Variants in NUP210L observed in about 807,000 individuals in gnomAD.
The protein encoded by NUP210L is nuclear pore membrane glycoprotein 210-like.
Under a neutral mutation model 208.5 loss-of-function variants are expected in NUP210L, and 74 were observed. That is an observed-to-expected ratio of 0.35 (90% CI 0.29 to 0.43). The LOEUF (loss-of-function observed/expected upper bound fraction) is 0.43, where lower values mean the gene tolerates loss of function less well. NUP210L is among the 20% of genes least tolerant of loss of function. NUP210L has a pLI of 1.00. For synonymous variants in NUP210L, 780 were observed against 816.9 expected (o/e 0.95, Z 0.77); for missense variants, 1,843 against 2,289.4 (o/e 0.81, Z 3.98).
At chr1:154,117,529 G>A (rs1657389739) in intron 12 of NUP210L, among the ~76,000 whole-genome samples, 196 bp downstream of exon 12, 1 of 152,050 alleles carries the variant, frequency 6.6e-6, no homozygotes, top group Non-Finnish European at 1.5e-5. Flanking sequence ...TGCAGTGAGT[G>A]AGCTGAGATC....
intron 15 of NUP210L, among the ~76,000 whole-genome samples, 160 bp from the exon 16 acceptor site, chr1:154,089,754 T>C (rs558069933): frequency 2.6e-5 from 4 of 152,236 alleles, no homozygotes; most frequent in Non-Finnish European, 4.4e-5. Flanking sequence ...CTTAATTATC[T>C]ATGCTAAAGG....
intron 20 of NUP210L, among the ~76,000 whole-genome samples, chr1:154,059,903 G>C (rs914500182): frequency 6.6e-6 from 1 of 152,144 alleles, no homozygotes; most frequent in Non-Finnish European, 1.5e-5. Context: ...TATGGAGTTA[G>C]GTTAATGTTT....
intron 16 of NUP210L, chr1:154,079,371 C>T (rs1456018826): frequency 2.0e-5 from 3 of 151,942 alleles, no homozygotes; most frequent in Admixed American, 6.6e-5. Flanking sequence ...CAAGCTCCCA[C>T]CTCACCTTCC....
exon 33 of NUP210L, chr1:154,018,935 C>T (rs984506588): frequency 4.3e-6 from 7 of 1,614,006 alleles, no homozygotes; most frequent in Non-Finnish European, 5.9e-6. Context: ...ATGTTTACCT[C>T]TCGATATGTT....
chr1:154,087,224 G>C (rs879647838), intron 16 of NUP210L, among the ~76,000 whole-genome samples: 12 of 150,702 alleles, frequency 8.0e-5, no homozygotes, highest in South Asian at 2.1e-4. Context: ...GGAGGATGAG[G>C]CAAGAGAATC....
At chr1:154,147,272 A>G (rs949160570) in intron 2 of NUP210L, among the ~76,000 whole-genome samples, 1 of 152,200 alleles carries the variant, frequency 6.6e-6, no homozygotes, top group Non-Finnish European at 1.5e-5. Flanking sequence ...TTTTTCCCTG[A>G]AAATCATAAC....
intron 16 of NUP210L, among the ~76,000 whole-genome samples, chr1:154,071,680 G>A (rs1479630633): frequency 7.6e-6 from 1 of 132,000 alleles, no homozygotes; most frequent in Non-Finnish European, 1.5e-5. Context: ...CTGTCACCCA[G>A]GCTGGAGTGC....
chr1:153,995,705 C>T lies in NUP210L; in HGVS notation c.5387-525G>A, dbSNP rs566576576. 1.5e-4 allele frequency: 153 copies of T among 1,009,554 alleles called. No homozygotes were observed. In the African/African-American group the frequency reaches 1.8e-3, roughly 12 times the overall value. The allele number at this position is 1,009,554 out of a possible 1,614,324, so 62.5% of individuals were successfully genotyped here. On this transcript the variant is annotated intron_variant, in intron 37 of 39. Coordinates refer to ENST00000368559, the Ensembl canonical transcript of NUP210L. ...TCTAACAAAACTAGGCTGTCCCAAA[C>T]CCTTGGTAATAGAATTGTTTACCTT...
intron 6 of NUP210L, among the ~76,000 whole-genome samples, chr1:154,137,589 C>T (rs1355618431): frequency 6.6e-6 from 1 of 151,614 alleles, no homozygotes; most frequent in Admixed American, 6.6e-5. Context: ...GTGGCAGGAA[C>T]CTGTAGTTCC....
intron 7 of NUP210L, among the ~76,000 whole-genome samples, chr1:154,135,047 C>T (rs1235635922): frequency 6.6e-6 from 1 of 151,832 alleles, no homozygotes; most frequent in African/African-American, 2.4e-5. Flanking sequence ...CTCTGTGTAC[C>T]TTTCTTTGTT....
intron 32 of NUP210L, among the ~76,000 whole-genome samples, chr1:154,019,489 G>T (rs1571175335): frequency 6.6e-6 from 1 of 152,150 alleles, no homozygotes; most frequent in African/African-American, 2.4e-5. Flanking sequence ...GCCGAGGAAT[G>T]CCAAATACTG....
At chr1:154,116,322 G>A (rs1052135827) in intron 12 of NUP210L, among the ~76,000 whole-genome samples, 19 of 151,756 alleles carry the variant, frequency 1.3e-4, no homozygotes, top group Non-Finnish European at 2.2e-4. Context: ...TACTCAGGAG[G>A]CTGAGGCAGG....
chr1:154,149,896 C>G (rs997305081), intron 2 of NUP210L, among the ~76,000 whole-genome samples: 2 of 152,110 alleles, frequency 1.3e-5, no homozygotes, highest in East Asian at 3.9e-4. Context: ...GTTGTCCAAA[C>G]CAGTTCTTCA....
chr1:154,060,412 T>C (rs1654073741), intron 20 of NUP210L, 128 bp downstream of exon 20: 2 of 626,822 alleles, frequency 3.2e-6, no homozygotes, highest in East Asian at 2.7e-5. Flanking sequence ...AGAATCTATA[T>C]AGGTTAAAGA....
At chr1:154,115,916 C>T (rs942016949) in intron 12 of NUP210L, among the ~76,000 whole-genome samples, 7 of 151,666 alleles carry the variant, frequency 4.6e-5, no homozygotes, top group Non-Finnish European at 8.8e-5. Flanking sequence ...GTCAGGAGTT[C>T]GAGATCAGCC....
chr1:154,142,907 G>C (rs993819596), intron 3 of NUP210L, among the ~76,000 whole-genome samples: 2 of 146,178 alleles, frequency 1.4e-5, no homozygotes, highest in South Asian at 4.4e-4. Flanking sequence ...AAAAGAAAGT[G>C]GCCAGGCGCG....
intron 14 of NUP210L, among the ~76,000 whole-genome samples, chr1:154,095,360 A>T (rs950526311): frequency 1.3e-5 from 2 of 152,190 alleles, no homozygotes; most frequent in Non-Finnish European, 2.9e-5. Context: ...CTATTATGTT[A>T]CTTTATCCAT....
At chr1:154,135,879 T>C (rs767636635) in exon 7 of NUP210L, 13 of 1,612,678 alleles carry the variant, frequency 8.1e-6, no homozygotes, top group Non-Finnish European at 1.1e-5. Context: ...TGTTTTGTCA[T>C]CCAGTATAGC....
Position 154,058,841 on chromosome 1 carries a change from T to C in NUP210L, c.2851-148A>G, listed in dbSNP as rs923056883. 5 of 684,784 alleles carry C rather than the reference T, an allele frequency of 7.3e-6. No individual in the cohort carries two copies. In the Admixed American group the frequency reaches 1.5e-4, roughly 20 times the overall value. 42.4% of individuals were successfully genotyped at this position (684,784 alleles called of 1,614,324 possible). A position where few individuals can be genotyped will look rare whatever the true frequency, so the allele number is the denominator to read the frequency against. ...GACGTCACGTAACATTATTCAGGCA[T>C]AGCATAATATGTACACTTAATGTGA... On this transcript the variant is annotated intron_variant, in intron 20 of 39. Transcript: ENST00000368559.
Sources: allele counts gnomAD v4.1 joint callset (sites outside exome capture counted in the v4.1 genomes callset), GRCh38; gene constraint gnomAD v4.1.1; transcripts MANE v1.5; gene names NCBI Gene and HGNC (gene_info 2026-07-23, HGNC 2026-07-21).